Variants in ADGRB3 observed in about 807,000 individuals in gnomAD.
The protein encoded by ADGRB3 is brain-specific angiogenesis inhibitor 3.
Under a neutral mutation model 193.4 loss-of-function variants are expected in ADGRB3, and 37 were observed. That is an observed-to-expected ratio of 0.19 (90% CI 0.15 to 0.25). ADGRB3 has a LOEUF of 0.25. Among genes scored for constraint, ADGRB3 ranks in the 10% least tolerant of loss-of-function variants. The pLI, the probability that ADGRB3 is intolerant of heterozygous loss-of-function variation, is 1.00. For synonymous variants in ADGRB3, 690 were observed against 644.2 expected, an observed-to-expected ratio of 1.07 and a Z score of -1.08; for missense variants, 1,637 against 1,852.9, an observed-to-expected ratio of 0.88 and a Z score of 2.14.
intron 17 of ADGRB3, among the ~76,000 whole-genome samples, chr6:69,145,633 G>T (rs1333488160): frequency 1.3e-5 from 2 of 152,184 alleles, no homozygotes; most frequent in African/African-American, 4.8e-5. Flanking sequence ...ATGTAGAGAA[G>T]TGGAGGATAA....
chr6:69,284,021 G>T (rs1429524390), intron 20 of ADGRB3, among the ~76,000 whole-genome samples: 2 of 152,136 alleles, frequency 1.3e-5, no homozygotes, highest in Non-Finnish European at 2.9e-5. Context: ...CACAAAAGGG[G>T]CCCTGGAACG....
At chr6:69,274,766 G>A (rs924486019) in intron 20 of ADGRB3, among the ~76,000 whole-genome samples, 1 of 151,892 alleles carries the variant, frequency 6.6e-6, no homozygotes, top group South Asian at 2.1e-4. Flanking sequence ...AAGCAATCAG[G>A]CAACAATAAG....
At chr6:68,995,785 C>G (rs1375692917) in intron 11 of ADGRB3, among the ~76,000 whole-genome samples, 1 of 152,086 alleles carries the variant, frequency 6.6e-6, no homozygotes, top group African/African-American at 2.4e-5. Context: ...CTTCCTCTCC[C>G]ATCTCTGCCT....
At chr6:68,884,427 A>G (rs1295990995) in intron 3 of ADGRB3, among the ~76,000 whole-genome samples, 1 of 152,204 alleles carries the variant, frequency 6.6e-6, no homozygotes, top group Admixed American at 6.5e-5. Flanking sequence ...GAGAGTGAGA[A>G]CATGTCTCTC....
intron 3 of ADGRB3, among the ~76,000 whole-genome samples, chr6:68,790,156 CAA>C (rs1767070953): frequency 6.6e-6 from 1 of 152,158 alleles, no homozygotes; most frequent in Admixed American, 6.5e-5. Context: ...CTCAACTTGT[CAA>C]AGTCATTTTC....
intron 17 of ADGRB3, among the ~76,000 whole-genome samples, chr6:69,217,389 GA>G (rs890641470): frequency 2.0e-5 from 3 of 151,750 alleles, no homozygotes; most frequent in South Asian, 2.1e-4. Flanking sequence ...TTGTATGGGA[GA>G]AAAAAAAGAT....
At chr6:69,239,904 T>G (rs915453296) in intron 20 of ADGRB3, among the ~76,000 whole-genome samples, 2 of 152,084 alleles carry the variant, frequency 1.3e-5, no homozygotes, top group Non-Finnish European at 2.9e-5. Flanking sequence ...AATAGCAATT[T>G]GAAGTAAACT....
chr6:69,264,867 G>A (rs547124144), intron 20 of ADGRB3, among the ~76,000 whole-genome samples: 1 of 151,742 alleles, frequency 6.6e-6, no homozygotes, highest in African/African-American at 2.4e-5. Context: ...GTATTTTATT[G>A]ATGCATTAAA....
intron 26 of ADGRB3, among the ~76,000 whole-genome samples, chr6:69,340,078 G>T (rs1768943645): frequency 6.6e-6 from 1 of 152,126 alleles, no homozygotes; most frequent in African/African-American, 2.4e-5. Context: ...TACTAAAAAT[G>T]TATACAGTGA....
At chr6:69,242,002 G>A (rs1464452128) in intron 20 of ADGRB3, among the ~76,000 whole-genome samples, 1 of 151,772 alleles carries the variant, frequency 6.6e-6, no homozygotes, top group East Asian at 1.9e-4. Flanking sequence ...CAAAACACTG[G>A]AATTTTATTC....
chr6:68,902,109 T>C (rs1285185130), intron 3 of ADGRB3, among the ~76,000 whole-genome samples: 4 of 152,130 alleles, frequency 2.6e-5, no homozygotes, highest in African/African-American at 7.2e-5. Flanking sequence ...TCTTGGTGTA[T>C]AGAATGCACA....
At chr6:68,693,137 A>G (rs1239208219) in intron 3 of ADGRB3, among the ~76,000 whole-genome samples, 1 of 151,926 alleles carries the variant, frequency 6.6e-6, no homozygotes, top group East Asian at 1.9e-4. Flanking sequence ...CAATTAAAAC[A>G]CAGAAATGCA....
chr6:68,867,079 G>A (rs1414728546), intron 3 of ADGRB3, among the ~76,000 whole-genome samples: 1 of 152,182 alleles, frequency 6.6e-6, no homozygotes, highest in Non-Finnish European at 1.5e-5. Flanking sequence ...AAGTAAAGAG[G>A]AGCCAAATGT....
intron 3 of ADGRB3, among the ~76,000 whole-genome samples, chr6:68,790,316 C>T (rs1220385432): frequency 6.6e-6 from 1 of 152,100 alleles, no homozygotes; most frequent in Non-Finnish European, 1.5e-5. Context: ...ACAAAGTGGC[C>T]TAATCAAGGA....
intron 17 of ADGRB3, among the ~76,000 whole-genome samples, chr6:69,190,550 G>T (rs548422364): frequency 6.6e-6 from 1 of 152,194 alleles, no homozygotes; most frequent in East Asian, 1.9e-4. Flanking sequence ...TACAGTATGT[G>T]TGTATAACTA....
chr6:69,193,329 G>T (rs1765232871), intron 17 of ADGRB3, among the ~76,000 whole-genome samples: 1 of 152,098 alleles, frequency 6.6e-6, no homozygotes, highest in Non-Finnish European at 1.5e-5. Context: ...GCAAGAAAAT[G>T]ATAACTAAAA....
intron 31 of ADGRB3, among the ~76,000 whole-genome samples, chr6:69,384,346 C>T (rs1303374915): frequency 6.6e-6 from 1 of 152,024 alleles, no homozygotes; most frequent in Non-Finnish European, 1.5e-5. Flanking sequence ...TTCTACTCCT[C>T]CTGATAGAAG....
At chr6:68,661,529 A>ATATGTGTATACATATATATG (rs1561986477) in intron 3 of ADGRB3, among the ~76,000 whole-genome samples, 5 of 36,232 alleles carry the variant, frequency 1.4e-4, no homozygotes, top group Non-Finnish European at 2.2e-4. Context: ...ACATATATAT[A>ATATGTGTATACATATATATG]TGTGTATACA....
chr6:69,115,761 C>A (rs1442854695), intron 17 of ADGRB3, among the ~76,000 whole-genome samples: 3 of 152,180 alleles, frequency 2.0e-5, no homozygotes, highest in Admixed American at 6.5e-5. Flanking sequence ...CATTTGGCAT[C>A]CACTGCTGTA....
Sources: gnomAD v4.1 joint callset for allele counts (sites outside exome capture counted in the v4.1 genomes callset) on GRCh38, gnomAD v4.1.1 for gene constraint, MANE v1.5 for transcripts, NCBI Gene and HGNC (gene_info 2026-07-23, HGNC 2026-07-21) for gene names.